GLB1: variants seen among roughly 807,000 people sequenced by gnomAD.
GLB1 encodes the protein galactosidase beta 1.
Under a neutral mutation model 74.0 loss-of-function variants are expected in GLB1, and 56 were observed. The ratio of observed to expected loss-of-function variants is 0.76; its 90% CI spans 0.61 to 0.94. The LOEUF (loss-of-function observed/expected upper bound fraction) is 0.94. GLB1 is among the 40% of genes least tolerant of loss of function. The probability of loss-of-function intolerance (pLI) is 0.00; values close to 1 mark genes in which losing one functional copy is unlikely to be tolerated. For synonymous variants in GLB1, 323 were observed against 323.6 expected, an observed-to-expected ratio of 1.00 and a Z score of 0.02; for missense variants, 787 against 845.5, an observed-to-expected ratio of 0.93 and a Z score of 0.86.
chr3:33,055,402 A>G (rs1250992458), intron 6 of GLB1, among the ~76,000 whole-genome samples: 1 of 151,768 alleles, frequency 6.6e-6, no homozygotes, highest in Admixed American at 6.6e-5. Context: ...CTTCCTCTGC[A>G]GCGCTTTGTA....
chr3:33,049,506 A>AC (rs1698889323), intron 9 of GLB1, among the ~76,000 whole-genome samples: 1 of 152,032 alleles, frequency 6.6e-6, no homozygotes, highest in Non-Finnish European at 1.5e-5. Flanking sequence ...AACCTCCACC[A>AC]CCTGGGTTCA....
At chr3:33,078,505 T>A (rs1700211194) in intron 1 of GLB1, among the ~76,000 whole-genome samples, 1 of 152,320 alleles carries the variant, frequency 6.6e-6, no homozygotes, top group African/African-American at 2.4e-5. Flanking sequence ...GTAGTCCTCA[T>A]TATTGAATCA....
At chr3:32,996,106 G>A (rs1696305775), downstream of GLB1, among the ~76,000 whole-genome samples, 1 of 152,190 alleles carries the variant, frequency 6.6e-6, no homozygotes, top group Non-Finnish European at 1.5e-5. Context: ...CCGGCAGGAT[G>A]ACAGTATATT....
chr3:33,003,463 CA>C (rs1324735053), intron 15 of GLB1, among the ~76,000 whole-genome samples: 1 of 152,160 alleles, frequency 6.6e-6, no homozygotes, highest in African/African-American at 2.4e-5. Context: ...TACCCATTTA[CA>C]AAAGTTCTAA....
intron 1 of GLB1, among the ~76,000 whole-genome samples, chr3:33,074,369 G>A (rs138636341): frequency 0.22 from 1,406 of 6,466 alleles, 255 homozygotes; most frequent in Middle Eastern, 0.5. Flanking sequence ...AGGAAGGAAG[G>A]AAGGAAGGAA....
At chr3:33,021,534 A>G in intron 12 of GLB1, 32 bp downstream of exon 12, 1 of 1,607,392 alleles carries the variant, frequency 6.2e-7, no homozygotes, top group Non-Finnish European at 8.5e-7. Context: ...TGCAAGTAGA[A>G]AAAAGGCGAG....
intron 1 of GLB1, among the ~76,000 whole-genome samples, chr3:33,087,292 G>A (rs9815409): frequency 0.12 from 17,960 of 152,036 alleles, 2,697 homozygotes; most frequent in African/African-American, 0.35. Flanking sequence ...CAAAGAGGCC[G>A]GGTACGGTGG....
In GLB1 at chr3:33,014,226, T is replaced by C; in HGVS notation, c.1564A>G (p.Ser522Gly). Residue 522 changes from serine to glycine, a missense_variant, in exon 15 of 16, where the codon AGC becomes GGC. Coordinates refer to ENST00000307363, the MANE Select transcript of GLB1 (RefSeq NM_000404.4). Reference sequence around the variant, plus strand: ...CGGTGTCCCCAGCCCCCCAGGTGGCTGCACACTGCATCCTCAGTGTCCAGT... The same window carrying C: ...CGGTGTCCCCAGCCCCCCAGGTGGCCGCACACTGCATCCTCAGTGTCCAGT... ...FPLDTEDAVCSHLGGWGHRDS... is the reference protein window; with the variant it reads ...FPLDTEDAVCGHLGGWGHRDS... The C allele has an allele frequency of 6.2e-7, 1 of 1,614,152 alleles. No individual in the cohort carries two copies. The highest frequency in any genetic ancestry group is 8.5e-7 in the Non-Finnish European group (1 of 1,180,030).
chr3:33,067,612 G>A (rs1699738545), intron 4 of GLB1, among the ~76,000 whole-genome samples: 1 of 152,114 alleles, frequency 6.6e-6, no homozygotes, highest in Non-Finnish European at 1.5e-5. Flanking sequence ...GCTATCATTG[G>A]CTGTGGAATA....
At chr3:33,004,445 T>C (rs946630246) in intron 15 of GLB1, among the ~76,000 whole-genome samples, 1 of 152,242 alleles carries the variant, frequency 6.6e-6, no homozygotes, top group African/African-American at 2.4e-5. Flanking sequence ...CACATCTCCA[T>C]GGTCAGAAGG....
At chr3:33,052,986 A>C (rs1258488565) in intron 7 of GLB1, among the ~76,000 whole-genome samples, 1 of 152,230 alleles carries the variant, frequency 6.6e-6, no homozygotes, top group Non-Finnish European at 1.5e-5. Flanking sequence ...GAGAAGGCGC[A>C]GGATATTAAC....
intron 1 of GLB1, among the ~76,000 whole-genome samples, chr3:33,081,058 T>G (rs1036732634): frequency 2.0e-5 from 3 of 151,900 alleles, no homozygotes; most frequent in African/African-American, 7.2e-5. Context: ...GGGGCAGAGG[T>G]GGGGGTCACT....
chr3:33,015,235 G>A (rs565519133), intron 14 of GLB1, among the ~76,000 whole-genome samples: 6 of 152,306 alleles, frequency 3.9e-5, no homozygotes, highest in South Asian at 2.1e-4. Context: ...GAGCAGGTAC[G>A]ACGGATGCAG....
At chr3:33,007,312 C>T in intron 15 of GLB1, among the ~76,000 whole-genome samples, 1 of 152,180 alleles carries the variant, frequency 6.6e-6, no homozygotes, top group East Asian at 1.9e-4. Context: ...AATTATAGAA[C>T]ATTTCGTCAC....
chr3:33,045,226 A>C, intron 10 of GLB1: 7 of 542,574 alleles, frequency 1.3e-5, no homozygotes, highest in Non-Finnish European at 1.6e-5. Context: ...CAGTAGACTG[A>C]TTTGCTCATA....
intron 10 of GLB1, among the ~76,000 whole-genome samples, chr3:33,035,816 T>C (rs1257433469): frequency 6.6e-6 from 1 of 152,260 alleles, no homozygotes; most frequent in East Asian, 1.9e-4. Context: ...ACATTCCTTT[T>C]TGTTGCCTCA....
chr3:32,989,029 C>T, the GLB1 span, among the ~76,000 whole-genome samples: 1 of 152,150 alleles, frequency 6.6e-6, no homozygotes, highest in Non-Finnish European at 1.5e-5. Flanking sequence ...GCACAGTGAC[C>T]TCTGGTCCAC....
At chr3:32,969,954 C>T in the GLB1 span, among the ~76,000 whole-genome samples, 4 of 152,288 alleles carry the variant, frequency 2.6e-5, no homozygotes, top group Middle Eastern at 3.4e-3. Context: ...TGGACTTCAC[C>T]GAATTGCCCT....
chr3:33,061,665 T>C (rs532851404), intron 5 of GLB1: 2 of 152,354 alleles, frequency 1.3e-5, no homozygotes, highest in African/African-American at 4.8e-5. Flanking sequence ...TTTAAAGATG[T>C]TGATCTTCCA....
Sources: allele counts gnomAD v4.1 joint callset (sites outside exome capture counted in the v4.1 genomes callset), GRCh38; gene constraint gnomAD v4.1.1; transcripts MANE v1.5; gene names NCBI Gene and HGNC (gene_info 2026-07-23, HGNC 2026-07-21).